Variants in CYP4V2 observed in about 807,000 individuals in gnomAD.
CYP4V2 encodes cytochrome P450 4V2.
Under a neutral mutation model 60.8 loss-of-function variants are expected in CYP4V2, and 55 were observed. The ratio of observed to expected loss-of-function variants is 0.90; its 90% CI spans 0.73 to 1.13. The LOEUF (loss-of-function observed/expected upper bound fraction) is 1.13, where lower values mean the gene tolerates loss of function less well. Ranked by LOEUF, CYP4V2 falls within the 50% of genes most tolerant of loss-of-function variation. The probability of loss-of-function intolerance (pLI) is 0.00; values close to 1 mark genes in which losing one functional copy is unlikely to be tolerated. For missense variants in CYP4V2, 675 were observed against 662.9 expected, an observed-to-expected ratio of 1.02 and a Z score of -0.20; for synonymous variants, 239 against 236.8, an observed-to-expected ratio of 1.01 and a Z score of -0.08.
At chr4:186,200,051 G>A (rs1261694542) in intron 6 of CYP4V2, among the ~76,000 whole-genome samples, 1 of 150,790 alleles carries the variant, frequency 6.6e-6, no homozygotes, top group Admixed American at 6.6e-5. Context: ...ATAGCCAGCA[G>A]GTTATATTTC....
Position 186,197,616 on chromosome 4 carries a change from TTTCAG to T in CYP4V2, c.674+17_674+21del. The T allele has an allele frequency of 6.2e-7, 1 of 1,611,778 alleles. No homozygotes were observed. On this transcript the variant is annotated intron_variant, in intron 5 of 10. Transcript: ENST00000378802. ...TGCAGTTTATAGGTAAATGGAGTCC[TTTCAG>T]TTATTTTAACAATTATTATTGATTT...
At chr4:186,199,180 AT>A in intron 6 of CYP4V2, 97 bp downstream of exon 6, 1 of 1,290,514 alleles carries the variant, frequency 7.7e-7, no homozygotes, top group Admixed American at 1.9e-5. Flanking sequence ...TATTAAGTGC[AT>A]TCACGATGTT....
intron 1 of CYP4V2, among the ~76,000 whole-genome samples, chr4:186,194,137 A>G (rs979184696): frequency 1.4e-4 from 21 of 152,198 alleles, no homozygotes; most frequent in African/African-American, 5.1e-4. Flanking sequence ...TTTATGGTGA[A>G]GTTCTGGAGT....
rs559737524 is a variant in CYP4V2, at chr4:186,191,638, C to T, written c.-186C>T. The T allele has an allele frequency of 4.9e-4, 204 of 417,840 alleles. 2 individuals carry two copies. The highest frequency in any genetic ancestry group is 3.9e-3 in the African/African-American group (188 of 47,836). The allele number at this position is 417,840 out of a possible 1,614,324, so 25.9% of individuals were successfully genotyped here. A position where few individuals can be genotyped will look rare whatever the true frequency, so the allele number is the denominator to read the frequency against. On this transcript the variant is annotated 5_prime_UTR_variant, in exon 1 of 11. Transcript: ENST00000378802. ...GGCCGGGCCGGGCGCAGGAACAGCC[C>T]CGTGGCGCCCTCTCTGGCCGCCGCC...
intron 6 of CYP4V2, 103 bp from the exon 7 acceptor site, chr4:186,201,054 G>C (rs1409873692): frequency 4.1e-6 from 5 of 1,213,594 alleles, no homozygotes; most frequent in Non-Finnish European, 4.7e-6. Context: ...AATAGGCTTA[G>C]AAAAATAAAT....
chr4:186,197,632 AATT>A (rs1303176273), intron 5 of CYP4V2, 30 bp downstream of exon 5: 1 of 1,605,280 alleles, frequency 6.2e-7, no homozygotes, highest in Admixed American at 1.7e-5. Context: ...TTATTTTAAC[AATT>A]ATTATTGATT....
chr4:186,201,495 T>G, intron 7 of CYP4V2, 153 bp downstream of exon 7: 3 of 898,476 alleles, frequency 3.3e-6, no homozygotes, highest in Non-Finnish European at 4.9e-6. Flanking sequence ...TTTAAGAAAC[T>G]GATTAAGTAC....
chr4:186,208,943 G>A lies in CYP4V2; in HGVS notation c.1169G>A (p.Arg390His), dbSNP rs199476201. The A allele has an allele frequency of 2.0e-5, 32 of 1,614,150 alleles. No homozygotes were observed. The highest frequency in any genetic ancestry group is 4.5e-5 in the East Asian group (2 of 44,876). The part of the protein sequence containing the change: ...YLECVIKETL[R>H]LFPSVPLFAR... ...GAATGTGTTATTAAGGAGACCCTTC[G>A]CCTTTTTCCTTCTGTTCCTTTATTT... is the stretch of plus-strand genomic sequence containing the variant. The change falls in exon 9 of 11, where the codon CGC becomes CAC. Residue 390 changes from arginine (R) to histidine (H), a missense_variant. By Grantham distance (29) the Arg-to-His change is conservative. Transcript: ENST00000378802.
chr4:186,209,723 T>C (rs1018350625), intron 10 of CYP4V2, among the ~76,000 whole-genome samples: 2 of 152,224 alleles, frequency 1.3e-5, no homozygotes, highest in African/African-American at 2.4e-5. Context: ...ACCTCACTTA[T>C]ACTTACTGAC....
chr4:186,205,278 G>A lies in CYP4V2; in HGVS notation c.1066G>A (p.Asp356Asn). Reference protein sequence around the residue: ...GSNPEVQKKVDHELDDVFGKS... With the variant: ...GSNPEVQKKVNHELDDVFGKS... The stretch of plus-strand genomic sequence containing the variant: ...TAACCCAGAAGTCCAGAAAAAAGTG[G>A]ATCATGAATTGGATGACGTGTTTGG... Residue 356 changes from aspartate to asparagine, a missense_variant, in exon 8 of 11, where the codon GAT (aspartate) becomes AAT (asparagine). Coordinates refer to ENST00000378802, the MANE Select transcript of CYP4V2 (RefSeq NM_207352.4). 6.2e-7 allele frequency: 1 copy of A among 1,614,226 alleles called. No individual in the cohort carries two copies. The highest frequency in any genetic ancestry group is 8.5e-7 in the Non-Finnish European group (1 of 1,180,040).
At chr4:186,206,097 G>A (rs1033675467) in intron 8 of CYP4V2, among the ~76,000 whole-genome samples, 1 of 152,188 alleles carries the variant, frequency 6.6e-6, no homozygotes, top group African/African-American at 2.4e-5. Context: ...TTCAGCTTCC[G>A]GTGGCTGCCA....
rs1055138 is a variant in CYP4V2 at position 186,191,887 on chromosome 4, C to T, written c.64C>T (p.Leu22Phe). 1.9e-6 allele frequency: 3 copies of T among 1,588,136 alleles called. No individual in the cohort carries two copies. The highest frequency in any genetic ancestry group is 1.7e-6 in the Non-Finnish European group (2 of 1,171,518). ...GCTGCTGTGGGGCGCGGCGAGTGCC[C>T]TTTCCCTGGCCGGCGCCAGTCTGGT... Reference protein sequence around the residue: ...KLLLWGAASALSLAGASLVLS... With the variant: ...KLLLWGAASAFSLAGASLVLS... The change falls in exon 1 of 11, where the codon CTT (leucine) becomes TTT (phenylalanine). Residue 22 changes from leucine (L) to phenylalanine (F), a missense_variant. Coordinates refer to ENST00000378802, the MANE Select transcript of CYP4V2 (RefSeq NM_207352.4).
chr4:186,205,345 T>G (rs757633089), intron 8 of CYP4V2, 43 bp downstream of exon 8: 3 of 1,553,856 alleles, frequency 1.9e-6, no homozygotes, highest in Non-Finnish European at 2.7e-6. Context: ...GTACTAAGTC[T>G]GCTGCAGAGA....
chr4:186,200,133 T>C (rs748935815), intron 6 of CYP4V2, among the ~76,000 whole-genome samples: 4 of 152,206 alleles, frequency 2.6e-5, no homozygotes, highest in South Asian at 2.1e-4. Flanking sequence ...CCAGACTGAA[T>C]AGACAATTTT....
intron 10 of CYP4V2, among the ~76,000 whole-genome samples, chr4:186,209,666 G>A (rs886411598): frequency 5.9e-5 from 9 of 152,078 alleles, no homozygotes; most frequent in Middle Eastern, 3.2e-3. Flanking sequence ...GTGGGTCTGT[G>A]TCCTGATCTT....
In CYP4V2 at chr4:186,194,826, C is replaced by T. The variant is rs147070743; in HGVS notation, c.327+214C>T. On this transcript the variant is annotated intron_variant, in intron 2 of 10. Coordinates refer to ENST00000378802, the MANE Select transcript of CYP4V2 (RefSeq NM_207352.4). ...TTCTCCAGATATAAGTGCACAACTG[C>T]TATCAGGTCCCTTTATATTTATTCT... Among the ~76,000 whole-genome samples the T allele has an allele frequency of 2.6e-5, 4 of 152,322 alleles. No homozygotes were observed. The East Asian group carries it at 5.8e-4, about 22-fold the overall frequency.
chr4:186,211,872 T>G lies in CYP4V2; in HGVS notation c.*1231T>G, dbSNP rs1038289229. On this transcript the variant is annotated 3_prime_UTR_variant, in exon 11 of 11. Coordinates refer to ENST00000378802, the MANE Select transcript of CYP4V2 (RefSeq NM_207352.4). ...TTAGTAGGTTCTGTTACAGTTTTTC[T>G]TTTGATCGTGCACTTATAGTCTTCA... 4 of 152,214 alleles carry G rather than the reference T, an allele frequency of 2.6e-5. No individual in the cohort carries two copies. The highest frequency in any genetic ancestry group is 4.4e-5 in the Non-Finnish European group (3 of 68,036). The allele number at this position is 152,214 out of a possible 1,614,324, so 9.4% of individuals were successfully genotyped here. A position where few individuals can be genotyped will look rare whatever the true frequency, so the allele number is the denominator to read the frequency against.
In CYP4V2 at chr4:186,191,704, G is replaced by A. The variant is rs1412303702; in HGVS notation, c.-120G>A. ...GTTCCGGGGACCGGGCGACCCCGCA[G>A]CGGGGAGCGCGCCAGGTCCGCGCGG... On this transcript the variant is annotated 5_prime_UTR_variant, in exon 1 of 11. Transcript: ENST00000378802. 7.1e-6 allele frequency: 7 copies of A among 982,598 alleles called. No individual in the cohort carries two copies. 60.9% of individuals were successfully genotyped at this position (982,598 alleles called of 1,614,324 possible). A position where few individuals can be genotyped will look rare whatever the true frequency, so the allele number is the denominator to read the frequency against.
chr4:186,210,425 G>C, intron 10 of CYP4V2, 44 bp from the exon 11 acceptor site: 3 of 1,613,070 alleles, frequency 1.9e-6, no homozygotes, highest in Non-Finnish European at 2.5e-6. Flanking sequence ...TCACATTTGG[G>C]GTAAATCTAT....
Sources: allele counts gnomAD v4.1 joint callset (sites outside exome capture counted in the v4.1 genomes callset), GRCh38; gene constraint gnomAD v4.1.1; transcripts MANE v1.5; gene names NCBI Gene and HGNC (gene_info 2026-07-23, HGNC 2026-07-21).